Variants in SH3GL2 observed in about 807,000 individuals in gnomAD.
The protein encoded by SH3GL2 is endophilin-A1.
A neutral mutation model predicts 46.0 loss-of-function variants in SH3GL2; 24 were observed. That is an observed-to-expected ratio of 0.52 (90% CI 0.38 to 0.73). The LOEUF is 0.73. SH3GL2 is among the 30% of genes least tolerant of loss of function. SH3GL2 has a pLI of 0.00. For missense variants in SH3GL2, 413 were observed against 424.2 expected (o/e 0.97, Z 0.23); for synonymous variants, 196 against 147.1 (o/e 1.33, Z -2.40).
At chr9:17,711,385 A>T (rs566489678) in intron 1 of SH3GL2, among the ~76,000 whole-genome samples, 1 of 151,868 alleles carries the variant, frequency 6.6e-6, no homozygotes, top group Non-Finnish European at 1.5e-5. Context: ...ATATATATAC[A>T]TCTGTGAATT....
At chr9:17,641,738 G>A (rs7039154) in intron 1 of SH3GL2, among the ~76,000 whole-genome samples, 77,062 of 151,904 alleles carry the variant, frequency 0.51, 20,820 homozygotes, top group Non-Finnish European at 0.62. Flanking sequence ...ATGGTTTCCA[G>A]CTTCATCCAT....
At chr9:17,674,527 A>T (rs1401242952) in intron 1 of SH3GL2, among the ~76,000 whole-genome samples, 1 of 152,142 alleles carries the variant, frequency 6.6e-6, no homozygotes, top group Non-Finnish European at 1.5e-5. Context: ...TGGCCTCCCA[A>T]AGTGCTGGGA....
intron 1 of SH3GL2, among the ~76,000 whole-genome samples, chr9:17,746,677 A>C (rs1588297031): frequency 6.6e-6 from 1 of 152,228 alleles, no homozygotes; most frequent in East Asian, 1.9e-4. Flanking sequence ...TTGAAGAAGC[A>C]GCAGTTTTCT....
At chr9:17,746,162 C>T (rs530992404) in intron 1 of SH3GL2, among the ~76,000 whole-genome samples, 3 of 138,958 alleles carry the variant, frequency 2.2e-5, no homozygotes, top group Non-Finnish European at 4.4e-5. Context: ...GCAGGCTCCG[C>T]CCCGCTGTGT....
At position 17,658,689 on chromosome 9, in the gene SH3GL2, G is replaced by T. The variant is rs181264522; in HGVS notation, c.45+79402G>T. Reference sequence around the variant, plus strand: ...AGGCTTTTTGCTGTGTATTTATTGGGAGGAGAGCTGTTAGAAATTACAGAG... The same window carrying T: ...AGGCTTTTTGCTGTGTATTTATTGGTAGGAGAGCTGTTAGAAATTACAGAG... On this transcript the variant is annotated intron_variant, in intron 1 of 8. Coordinates refer to ENST00000380607, the MANE Select transcript of SH3GL2 (RefSeq NM_003026.5). Among the ~76,000 whole-genome samples the T allele has an allele frequency of 7.9e-4, 121 of 152,296 alleles. 1 individual carries two copies. Among genetic ancestry groups the T allele is most frequent in the African/African-American group, 2.6e-3 (110 of 41,568 alleles).
chr9:17,604,905 G>A (rs1818736416), intron 1 of SH3GL2, among the ~76,000 whole-genome samples: 1 of 151,970 alleles, frequency 6.6e-6, no homozygotes, highest in Admixed American at 6.6e-5. Context: ...CTAAAAGTAG[G>A]TCGAGGACCT....
intron 1 of SH3GL2, among the ~76,000 whole-genome samples, chr9:17,641,896 A>G (rs1189066476): frequency 1.3e-5 from 2 of 152,208 alleles, no homozygotes; most frequent in Non-Finnish European, 2.9e-5. Flanking sequence ...TGCTGCAATA[A>G]ACATACGTGT....
intron 1 of SH3GL2, among the ~76,000 whole-genome samples, chr9:17,699,265 C>T (rs1821286050): frequency 6.6e-6 from 1 of 151,708 alleles, no homozygotes; most frequent in African/African-American, 2.4e-5. Flanking sequence ...CACTGTCAGT[C>T]ATTTGGTAAA....
chr9:17,647,340 C>CTA (rs543210875), intron 1 of SH3GL2, among the ~76,000 whole-genome samples: 60 of 152,266 alleles, frequency 3.9e-4, no homozygotes, highest in Non-Finnish European at 8.1e-4. Flanking sequence ...TTGTCAGATG[C>CTA]TATGCTAAAT....
chr9:17,745,755 T>C (rs1340004936), intron 1 of SH3GL2, among the ~76,000 whole-genome samples: 1 of 152,060 alleles, frequency 6.6e-6, no homozygotes, highest in Non-Finnish European at 1.5e-5. Flanking sequence ...AGGGGCCCTT[T>C]GGAATGAGGT....
intron 1 of SH3GL2, among the ~76,000 whole-genome samples, chr9:17,594,569 C>G (rs948692086): frequency 6.6e-6 from 1 of 151,930 alleles, no homozygotes; most frequent in Non-Finnish European, 1.5e-5. Flanking sequence ...ATAGGTGCAC[C>G]GAACCACCAT....
At chr9:17,726,956 C>G (rs1247000195) in intron 1 of SH3GL2, among the ~76,000 whole-genome samples, 1 of 152,082 alleles carries the variant, frequency 6.6e-6, no homozygotes, top group East Asian at 1.9e-4. Context: ...TACTACAAGG[C>G]ATAGATTCCA....
At chr9:17,621,566 TAAGAG>T (rs1385730847) in intron 1 of SH3GL2, among the ~76,000 whole-genome samples, 1 of 152,194 alleles carries the variant, frequency 6.6e-6, no homozygotes, top group Non-Finnish European at 1.5e-5. Context: ...TATAATCAGA[TAAGAG>T]AGGAGAGATC....
chr9:17,598,001 G>A lies in SH3GL2; in HGVS notation c.45+18714G>A, dbSNP rs145683620. On this transcript the variant is annotated intron_variant, in intron 1 of 8. Coordinates refer to ENST00000380607, the MANE Select transcript of SH3GL2 (RefSeq NM_003026.5). Reference sequence around the variant, plus strand: ...CCGTGGAACTGGCAGTGCAGTGTGGGAGACAGACCAATGATTATGCAAATA... The same window carrying A: ...CCGTGGAACTGGCAGTGCAGTGTGGAAGACAGACCAATGATTATGCAAATA... Among the ~76,000 whole-genome samples the A allele has an allele frequency of 9.8e-3, 1,487 of 152,328 alleles. 24 individuals carry two copies. The highest frequency in any genetic ancestry group is 0.035 in the African/African-American group (1,437 of 41,560).
At chr9:17,753,786 C>T (rs1359492126) in intron 2 of SH3GL2, among the ~76,000 whole-genome samples, 1 of 152,070 alleles carries the variant, frequency 6.6e-6, no homozygotes, top group African/African-American at 2.4e-5. Flanking sequence ...CCTAGGTTGT[C>T]TTTCAGGGTT....
At chr9:17,599,600 C>T (rs908016863) in intron 1 of SH3GL2, among the ~76,000 whole-genome samples, 3 of 152,106 alleles carry the variant, frequency 2.0e-5, no homozygotes, top group African/African-American at 7.2e-5. Context: ...AATATTGGTC[C>T]AGTCATATGA....
At chr9:17,784,500 G>A (rs1257062289) in intron 3 of SH3GL2, among the ~76,000 whole-genome samples, 2 of 151,888 alleles carry the variant, frequency 1.3e-5, no homozygotes, top group Non-Finnish European at 2.9e-5. Context: ...TATTTTATTT[G>A]CACTGTTTTC....
chr9:17,759,769 C>T (rs889314076), intron 2 of SH3GL2, among the ~76,000 whole-genome samples: 11 of 152,218 alleles, frequency 7.2e-5, no homozygotes, highest in Admixed American at 7.2e-4. Context: ...AAATTTAATT[C>T]CTATGGCACT....
intron 1 of SH3GL2, among the ~76,000 whole-genome samples, chr9:17,657,519 T>C (rs1369378855): frequency 6.6e-6 from 1 of 152,176 alleles, no homozygotes; most frequent in Non-Finnish European, 1.5e-5. Flanking sequence ...AGCAAGTCAT[T>C]TACGTTTCTA....
Sources: allele counts gnomAD v4.1 joint callset (sites outside exome capture counted in the v4.1 genomes callset), GRCh38; gene constraint gnomAD v4.1.1; transcripts MANE v1.5; gene names NCBI Gene and HGNC (gene_info 2026-07-23, HGNC 2026-07-21).